COL4A2: variants seen among roughly 807,000 people sequenced by gnomAD.
The protein encoded by COL4A2 is collagen type IV alpha 2 chain.
COL4A2 carries 99 observed loss-of-function variants against 200.2 expected under a neutral mutation model. The ratio of observed to expected loss-of-function variants is 0.49; its 90% confidence interval spans 0.42 to 0.58. The LOEUF is 0.58. COL4A2 is among the 20% of genes least tolerant of loss of function. The pLI, the probability that COL4A2 is intolerant of heterozygous loss-of-function variation, is 0.00. For missense variants in COL4A2, 1,950 were observed against 2,314.1 expected (o/e 0.84, Z 3.23); for synonymous variants, 897 against 900.6 (o/e 1.00, Z 0.07).
At chr13:110,344,221 T>C (rs1018258505) in intron 3 of COL4A2, among the ~76,000 whole-genome samples, 3 of 152,226 alleles carry the variant, frequency 2.0e-5, no homozygotes, top group Non-Finnish European at 2.9e-5. Context: ...TATGATTACA[T>C]TGATGGCCTC....
intron 36 of COL4A2, 151 bp downstream of exon 36, chr13:110,489,936 G>A (rs1006521491): frequency 1.1e-4 from 85 of 750,746 alleles, no homozygotes; most frequent in Admixed American, 2.4e-4. Context: ...AAGAAAGACC[G>A]TCGTTTTTAA....
At chr13:110,314,601 G>A (rs1885083621) in intron 3 of COL4A2, among the ~76,000 whole-genome samples, 1 of 152,092 alleles carries the variant, frequency 6.6e-6, no homozygotes, top group Admixed American at 6.5e-5. Context: ...AGCTGTCATG[G>A]GGCCTCTTCT....
chr13:110,450,906 A>G (rs1386225428), intron 20 of COL4A2, among the ~76,000 whole-genome samples: 3 of 152,174 alleles, frequency 2.0e-5, no homozygotes, highest in Non-Finnish European at 2.9e-5. Context: ...CACCTTGATA[A>G]TCTGCCTTCT....
chr13:110,356,081 G>A (rs1233733802), intron 3 of COL4A2, among the ~76,000 whole-genome samples: 1 of 110,824 alleles, frequency 9.0e-6, no homozygotes, highest in Non-Finnish European at 2.1e-5. Flanking sequence ...AAGAGCTAAG[G>A]TACTTGTCCA....
chr13:110,394,515 T>TC (rs1385411526), intron 4 of COL4A2, among the ~76,000 whole-genome samples: 1 of 152,194 alleles, frequency 6.6e-6, no homozygotes. Flanking sequence ...CAAACATGCG[T>TC]CCCAGACTGC....
Position 110,462,185 on chromosome 13 carries a change from A to G in COL4A2, c.1668A>G (p.Lys556=). 3 of 1,614,262 alleles carry G rather than the reference A, an allele frequency of 1.9e-6. No individual in the cohort carries two copies. Among genetic ancestry groups the G allele is most frequent in the Non-Finnish European group, 1.7e-6 (2 of 1,180,042 alleles). Residue 556 remains lysine, a splice_region_variant and synonymous_variant, in exon 23 of 48, where the codon AAA becomes AAG. Transcript: ENST00000360467. ...AKGDSRTITT[K]GERGQPGVPG... ...GAGATTCCAGAACAATCACAACCAA[A>G]GGTGAGTTCCTCTCTGGCCACGCGG...
At chr13:110,394,412 C>T (rs1879112178) in intron 4 of COL4A2, among the ~76,000 whole-genome samples, 1 of 152,164 alleles carries the variant, frequency 6.6e-6, no homozygotes, top group Admixed American at 6.5e-5. Flanking sequence ...ACATGACATT[C>T]GCACAAGTAG....
intron 3 of COL4A2, among the ~76,000 whole-genome samples, chr13:110,345,190 G>A (rs1220748398): frequency 6.6e-6 from 1 of 152,146 alleles, no homozygotes; most frequent in Non-Finnish European, 1.5e-5. Flanking sequence ...GGAAGGTGAG[G>A]GTATGGAGGA....
At chr13:110,316,853 A>T (rs909267704) in intron 3 of COL4A2, among the ~76,000 whole-genome samples, 1 of 152,208 alleles carries the variant, frequency 6.6e-6, no homozygotes, top group African/African-American at 2.4e-5. Context: ...GAATATATAT[A>T]CACGTCAAAA....
chr13:110,427,190 C>T (rs1027857098), intron 6 of COL4A2, among the ~76,000 whole-genome samples: 16 of 152,144 alleles, frequency 1.1e-4, no homozygotes, highest in Non-Finnish European at 1.9e-4. Context: ...GTCTTGTTCG[C>T]CCAGGCTGGA....
intron 22 of COL4A2, 94 bp downstream of exon 22, chr13:110,459,028 T>A: frequency 7.8e-7 from 1 of 1,282,958 alleles, no homozygotes; most frequent in Non-Finnish European, 1.0e-6. Flanking sequence ...TTACACAGCT[T>A]CAGACCGGCA....
In COL4A2 at chr13:110,355,341, C is replaced by T. The variant is rs1220478939; in HGVS notation, c.100-2131C>T. Among the ~76,000 whole-genome samples, 77 of 121,804 alleles carry T rather than the reference C, an allele frequency of 6.3e-4. 5 individuals are homozygous for T. The highest frequency in any genetic ancestry group is 3.8e-3 in the African/African-American group (77 of 20,394). The allele number at this position is 121,804 out of a possible 152,430, so 79.9% of individuals were successfully genotyped here. Reference sequence around the variant, plus strand: ...TGTGTGTGGGAGAGGGCTGCACTAGCTCACCTGTGTGTGTGGGGGAGGGCT... The same window carrying T: ...TGTGTGTGGGAGAGGGCTGCACTAGTTCACCTGTGTGTGTGGGGGAGGGCT... On this transcript the variant is annotated intron_variant, in intron 3 of 47. Coordinates refer to ENST00000360467, the MANE Select transcript of COL4A2 (RefSeq NM_001846.4).
intron 28 of COL4A2, among the ~76,000 whole-genome samples, chr13:110,472,165 G>GATGA (rs1882494727): frequency 6.7e-6 from 1 of 149,610 alleles, no homozygotes; most frequent in South Asian, 2.1e-4. Flanking sequence ...GCCCAGGCTG[G>GATGA]AGTGCAGTGG....
intron 4 of COL4A2, among the ~76,000 whole-genome samples, chr13:110,422,055 T>C (rs948377825): frequency 6.6e-6 from 1 of 152,154 alleles, no homozygotes; most frequent in African/African-American, 2.4e-5. Context: ...AAAATAATAA[T>C]AATCCCACTG....
At chr13:110,330,410 G>C (rs914538192) in intron 3 of COL4A2, among the ~76,000 whole-genome samples, 1 of 152,150 alleles carries the variant, frequency 6.6e-6, no homozygotes, top group Non-Finnish European at 1.5e-5. Flanking sequence ...GTGGAGGCGG[G>C]GGGGCAGCCC....
intron 4 of COL4A2, among the ~76,000 whole-genome samples, chr13:110,359,651 C>A (rs1317871519): frequency 6.6e-6 from 1 of 152,208 alleles, no homozygotes; most frequent in Non-Finnish European, 1.5e-5. Flanking sequence ...GGAAGAACGA[C>A]CCTCTGCTGG....
At chr13:110,389,215 GCTCTCA>G (rs1241704528) in intron 4 of COL4A2, among the ~76,000 whole-genome samples, 1 of 152,196 alleles carries the variant, frequency 6.6e-6, no homozygotes, top group Admixed American at 6.5e-5. Context: ...GTTGAAACCT[GCTCTCA>G]CCCCGGCCAA....
At chr13:110,320,230 C>T (rs920542373) in intron 3 of COL4A2, among the ~76,000 whole-genome samples, 4 of 149,194 alleles carry the variant, frequency 2.7e-5, no homozygotes, top group African/African-American at 7.3e-5. Flanking sequence ...GCGGGGCTGG[C>T]GGGTGGCACT....
chr13:110,381,783 C>A (rs959595074), intron 4 of COL4A2, among the ~76,000 whole-genome samples: 1 of 152,202 alleles, frequency 6.6e-6, no homozygotes, highest in East Asian at 1.9e-4. Flanking sequence ...GTAAACCACA[C>A]AGCCAAGCAC....
Sources: allele counts gnomAD v4.1 joint callset (sites outside exome capture counted in the v4.1 genomes callset), GRCh38; gene constraint gnomAD v4.1.1; transcripts MANE v1.5; gene names NCBI Gene and HGNC (gene_info 2026-07-23, HGNC 2026-07-21).